Variants in ZNF618 observed in about 807,000 individuals in gnomAD.
The protein encoded by ZNF618 is neural precursor cell expressed, developmentally down-regulated 10.
Under a neutral mutation model 103.0 loss-of-function variants are expected in ZNF618, and 34 were observed. The ratio of observed to expected loss-of-function variants is 0.33; its 90% CI spans 0.25 to 0.44. The LOEUF (loss-of-function observed/expected upper bound fraction) is 0.44, where lower values mean the gene tolerates loss of function less well. Among genes scored for constraint, ZNF618 ranks in the 20% least tolerant of loss-of-function variants. The pLI, the probability that ZNF618 is intolerant of heterozygous loss-of-function variation, is 1.00. For synonymous variants in ZNF618, 551 were observed against 542.2 expected (o/e 1.02, Z -0.23); for missense variants, 1,059 against 1,295.4 (o/e 0.82, Z 2.80).
chr9:114,047,698 C>T (rs531091309), intron 13 of ZNF618, among the ~76,000 whole-genome samples, 195 bp from the exon 14 acceptor site: 1 of 152,154 alleles, frequency 6.6e-6, no homozygotes, highest in Non-Finnish European at 1.5e-5. Context: ...CATATGATTA[C>T]CTTAGTTTTT....
At chr9:113,991,486 A>G (rs757312744) in intron 3 of ZNF618, among the ~76,000 whole-genome samples, 30 of 152,216 alleles carry the variant, frequency 2.0e-4, no homozygotes, top group Non-Finnish European at 1.8e-4. Context: ...GTATTCAATG[A>G]GATAATGTAT....
At chr9:113,992,174 A>C (rs542432150) in intron 3 of ZNF618, among the ~76,000 whole-genome samples, 27 of 152,284 alleles carry the variant, frequency 1.8e-4, no homozygotes, top group African/African-American at 6.5e-4. Context: ...TGAGGATTCT[A>C]AAGGGTGGCA....
intron 1 of ZNF618, among the ~76,000 whole-genome samples, chr9:113,906,017 C>G (rs1830957665): frequency 6.6e-6 from 1 of 152,098 alleles, no homozygotes; most frequent in South Asian, 2.1e-4. Flanking sequence ...TGATATATTT[C>G]GATCAGTTTC....
rs566935435 is a variant in ZNF618 at position 114,021,867 on chromosome 9, T to C, written c.844+5083T>C. On this transcript the variant is annotated intron_variant, in intron 10 of 14. Transcript: ENST00000374126. Reference sequence around the variant, plus strand: ...TTTGAAGGGAGAGGTCTGGCTTCTTTCACTCTGCATAATTATTTTGAGATT... The same window carrying C: ...TTTGAAGGGAGAGGTCTGGCTTCTTCCACTCTGCATAATTATTTTGAGATT... Among the ~76,000 whole-genome samples the C allele has an allele frequency of 5.3e-5, 8 of 152,242 alleles. No individual in the cohort carries two copies. In the East Asian group the frequency reaches 1.5e-3, roughly 29 times the overall value.
intron 13 of ZNF618, among the ~76,000 whole-genome samples, chr9:114,037,786 T>C (rs1177311241): frequency 1.3e-5 from 2 of 152,262 alleles, no homozygotes; most frequent in African/African-American, 4.8e-5. Context: ...GGGTATCTGC[T>C]GTATATTAGG....
In ZNF618 at chr9:114,049,254, G is replaced by A. The variant is rs369712698; in HGVS notation, c.1952G>A (p.Arg651Gln). Residue 651 changes from arginine (R) to glutamine (Q), a missense_variant, in exon 15 of 15, where the codon CGG becomes CAG. Transcript: ENST00000374126. ...NSVVQSVLSK[R>Q]TLQARSMHEV... ...GTGGTGCAGAGCGTGCTGAGCAAGC[G>A]GACACTGCAGGCCCGCAGCATGCAC... is the stretch of plus-strand genomic sequence containing the variant. The A allele has an allele frequency of 9.9e-6, 16 of 1,612,732 alleles. No homozygotes were observed. The highest frequency in any genetic ancestry group is 1.2e-5 in the Non-Finnish European group (14 of 1,179,670).
At chr9:113,896,079 G>T (rs1830015200) in intron 1 of ZNF618, among the ~76,000 whole-genome samples, 1 of 151,420 alleles carries the variant, frequency 6.6e-6, no homozygotes, top group Non-Finnish European at 1.5e-5. Flanking sequence ...TTATTCCTTG[G>T]TTGAATGACT....
chr9:114,000,253 C>G (rs1019634764), intron 4 of ZNF618, among the ~76,000 whole-genome samples: 1 of 152,080 alleles, frequency 6.6e-6, no homozygotes, highest in Non-Finnish European at 1.5e-5. Flanking sequence ...CTCGTTGATA[C>G]AGACCTCAGT....
At chr9:113,930,901 G>A (rs1408827833) in intron 1 of ZNF618, among the ~76,000 whole-genome samples, 5 of 152,082 alleles carry the variant, frequency 3.3e-5, no homozygotes, top group East Asian at 1.9e-4. Flanking sequence ...AGCCTTATTC[G>A]GGGGCAGCAA....
intron 1 of ZNF618, among the ~76,000 whole-genome samples, chr9:113,927,652 A>G (rs189569852): frequency 2.3e-4 from 35 of 152,338 alleles, no homozygotes; most frequent in Admixed American, 2.1e-3. Flanking sequence ...GTTGAAAACT[A>G]GAGGGGTTGG....
chr9:113,965,321 A>G (rs1272239246), intron 1 of ZNF618, among the ~76,000 whole-genome samples: 1 of 152,170 alleles, frequency 6.6e-6, no homozygotes, highest in Admixed American at 6.6e-5. Context: ...GTTTGGAATA[A>G]TATTTTCTTT....
At chr9:113,971,667 T>A (rs1467143606) in intron 2 of ZNF618, among the ~76,000 whole-genome samples, 1 of 152,146 alleles carries the variant, frequency 6.6e-6, no homozygotes. Context: ...TGCCTGGTAA[T>A]TGTAGCCAGA....
intron 11 of ZNF618, among the ~76,000 whole-genome samples, chr9:114,031,392 C>T (rs1295515388): frequency 6.6e-6 from 1 of 152,222 alleles, no homozygotes; most frequent in Non-Finnish European, 1.5e-5. Flanking sequence ...GAGCCTGTGT[C>T]AGGAGACGTT....
rs1297552100 is a variant in ZNF618 at position 114,007,450 on chromosome 9, C to A, written c.640+11C>A. ...TGCACGCAGTGGATGGTGAGTCAGG[C>A]CCCTCACTCCCTGGAGTCATGCCAA... is the stretch of plus-strand genomic sequence containing the variant. On this transcript the variant is annotated intron_variant, in intron 7 of 14. Coordinates refer to ENST00000374126, the MANE Select transcript of ZNF618 (RefSeq NM_001318042.2). 1 of 1,612,128 alleles carries A rather than the reference C, an allele frequency of 6.2e-7. No individual in the cohort carries two copies. The highest frequency in any genetic ancestry group is 8.5e-7 in the Non-Finnish European group (1 of 1,179,304).
At chr9:114,002,818 AC>A (rs751066307) in intron 6 of ZNF618, among the ~76,000 whole-genome samples, 156 bp downstream of exon 6, 24 of 152,074 alleles carry the variant, frequency 1.6e-4, no homozygotes, top group Non-Finnish European at 2.9e-4. Flanking sequence ...TCCTTACAAA[AC>A]CGCAATGCGG....
intron 1 of ZNF618, among the ~76,000 whole-genome samples, chr9:113,890,283 A>C (rs1829497198): frequency 6.6e-6 from 1 of 152,258 alleles, no homozygotes; most frequent in African/African-American, 2.4e-5. Context: ...TGAAATGCCG[A>C]GATAACCGCC....
intron 2 of ZNF618, among the ~76,000 whole-genome samples, chr9:113,987,611 C>CGTACA (rs967751411): frequency 2.4e-4 from 36 of 152,288 alleles, no homozygotes; most frequent in African/African-American, 6.7e-4. Context: ...CTGGATATCG[C>CGTACA]GTACATCAAA....
chr9:113,927,155 T>C (rs1416889744), intron 1 of ZNF618, among the ~76,000 whole-genome samples: 1 of 152,242 alleles, frequency 6.6e-6, no homozygotes, highest in Non-Finnish European at 1.5e-5. Context: ...ACATGTTGTA[T>C]CTAGTAGTAG....
intron 11 of ZNF618, among the ~76,000 whole-genome samples, chr9:114,029,216 C>CA (rs1554762667): frequency 6.6e-6 from 1 of 150,422 alleles, no homozygotes; most frequent in Admixed American, 6.6e-5. Flanking sequence ...GGTTTGCAAA[C>CA]TTTTTTTTTT....
Sources: gnomAD v4.1 joint callset for allele counts (sites outside exome capture counted in the v4.1 genomes callset) on GRCh38, gnomAD v4.1.1 for gene constraint, MANE v1.5 for transcripts, NCBI Gene and HGNC (gene_info 2026-07-23, HGNC 2026-07-21) for gene names.